The following MRPL24 variants were observed in gnomAD, a reference collection of about 807,000 sequenced individuals.
MRPL24 encodes the protein large ribosomal subunit protein uL24m.
MRPL24 carries 15 observed loss-of-function variants against 26.9 expected under a neutral mutation model. That is an observed-to-expected ratio of 0.56 (90% CI 0.37 to 0.86). The LOEUF (loss-of-function observed/expected upper bound fraction) is 0.86. MRPL24 is among the 40% of genes least tolerant of loss of function. MRPL24 has a pLI of 0.00. For synonymous variants in MRPL24, 92 were observed against 102.4 expected (o/e 0.90, Z 0.62); for missense variants, 241 against 281.4 (o/e 0.86, Z 1.03).
At chr1:156,737,871 A>G in intron 4 of MRPL24, 95 bp from the exon 5 acceptor site, 1 of 1,540,590 alleles carries the variant, frequency 6.5e-7, no homozygotes, top group Non-Finnish European at 8.8e-7. Flanking sequence ...AAGGGTTACC[A>G]CCGCGTTTCT....
chr1:156,737,541 A>G lies in MRPL24; in HGVS notation c.515-7T>C. On this transcript the variant is annotated splice_region_variant and splice_polypyrimidine_tract_variant and intron_variant, in intron 5 of 5. Transcript: ENST00000361531. ...GATGTGTCTTTGGGGCCATCTGTTA[A>G]GCCAGAGGAAACTTAGATGGGTGGG... 2 of 1,604,922 alleles carry G rather than the reference A, an allele frequency of 1.2e-6. No individual in the cohort carries two copies. The highest frequency in any genetic ancestry group is 1.7e-6 in the Non-Finnish European group (2 of 1,175,132).
rs1558026811 is a variant in MRPL24, at chr1:156,738,652, T to G, written c.53A>C (p.His18Pro). 1 of 1,601,714 alleles carries G rather than the reference T, an allele frequency of 6.2e-7. No homozygotes were observed. Among genetic ancestry groups the G allele is most frequent in the South Asian group, 1.1e-5 (1 of 89,220 alleles). ...TGGGGGGCTCATCCCATAGCGGTAA[T>G]GGGGGGGCAGAGTGACCTTGGATGC... is the stretch of plus-strand genomic sequence containing the variant. The part of the protein sequence containing the change: ...ALASKVTLPP[H>P]YRYGMSPPGS... The change falls in exon 2 of 6, where the codon CAT becomes CCT. Residue 18 changes from histidine to proline, a missense_variant. By Grantham distance (77) the His-to-Pro change is moderately conservative. Transcript: ENST00000361531.
At position 156,738,438 on chromosome 1, in the gene MRPL24, C is replaced by T; in HGVS notation, c.184G>A (p.Val62Met). The change falls in exon 3 of 6, where the codon GTG becomes ATG. Residue 62 changes from valine (V) to methionine (M), a missense_variant and splice_region_variant. Physicochemically the swap from Val to Met is conservative, Grantham distance 21 (BLOSUM62 1). Coordinates refer to ENST00000361531, the MANE Select transcript of MRPL24 (RefSeq NM_145729.3). ...EDWYLFCGDT[V>M]EILEGKDAGK... ...GCATCCTTGCCTTCTAGGATCTCCA[C>T]CTGTGGGAAGATACGAAGGTTAGGG... 6.2e-7 allele frequency: 1 copy of T among 1,613,930 alleles called. No individual in the cohort carries two copies. Among genetic ancestry groups the T allele is most frequent in the South Asian group, 1.1e-5 (1 of 91,070 alleles).
chr1:156,737,688 C>T lies in MRPL24; in HGVS notation c.472G>A (p.Glu158Lys), dbSNP rs1307430612. ...ACGATGCCATCAGCTCTGGGAAATT[C>T]GGGTTTAGGGATAATTCTCCCTGAT... ...TRSGRIIPKP[E>K]FPRADGIVPE... is the part of the protein sequence containing the mutation. Residue 158 changes from glutamate (E) to lysine (K), a missense_variant, in exon 5 of 6, where the codon GAA becomes AAA. Transcript: ENST00000361531. 6.8e-6 allele frequency: 11 copies of T among 1,614,038 alleles called. No individual in the cohort carries two copies. Among genetic ancestry groups the T allele is most frequent in the Middle Eastern group, 1.6e-4 (1 of 6,084 alleles).
chr1:156,737,397 C>A lies in MRPL24; in HGVS notation c.*1G>T, dbSNP rs1269071308. 1.3e-5 allele frequency: 20 copies of A among 1,572,600 alleles called. No individual in the cohort carries two copies. Among genetic ancestry groups the A allele is most frequent in the Non-Finnish European group, 1.6e-5 (19 of 1,164,128 alleles). On this transcript the variant is annotated 3_prime_UTR_variant, in exon 6 of 6. Coordinates refer to ENST00000361531, the MANE Select transcript of MRPL24 (RefSeq NM_145729.3). ...TGGGGAGGAGCTGCTCTGCCCCAGG[C>A]TCAATACCAATAGACCTTCTTGTAT...
chr1:156,742,687 A>C (rs1351220444), upstream of MRPL24: 1 of 154,338 alleles, frequency 6.5e-6, no homozygotes, highest in Admixed American at 6.5e-5. Flanking sequence ...GTGGCTTCAG[A>C]GATCTAAAGG....
chr1:156,740,262 T>G (rs1473464110), intron 1 of MRPL24: 2 of 152,164 alleles, frequency 1.3e-5, no homozygotes, highest in Non-Finnish European at 2.9e-5. Flanking sequence ...AAATATGTAT[T>G]AACGGTTTAT....
chr1:156,742,669 T>A (rs1650210425), upstream of MRPL24: 1 of 153,866 alleles, frequency 6.5e-6, no homozygotes, highest in Admixed American at 6.5e-5. Flanking sequence ...TTCCCAAGCA[T>A]CCTATTTGTG....
rs1171116710 is a variant in MRPL24, at chr1:156,738,706, C to T, written c.-2G>A. 1 of 1,574,654 alleles carries T rather than the reference C, an allele frequency of 6.4e-7. No individual in the cohort carries two copies. Among genetic ancestry groups the T allele is most frequent in the Non-Finnish European group, 8.6e-7 (1 of 1,166,420 alleles). ...GGCCAGCAGGGCAGAAAGACGCATG[C>T]CTGGAGGTTGTAAGAAATCCCTTTG... On this transcript the variant is annotated 5_prime_UTR_variant, in exon 2 of 6. Transcript: ENST00000361531.
chr1:156,737,906 C>T, intron 4 of MRPL24, 125 bp downstream of exon 4: 2 of 1,434,678 alleles, frequency 1.4e-6, no homozygotes, highest in South Asian at 1.3e-5. Context: ...GGGTTACCCG[C>T]AGGGAATCAT....
chr1:156,739,110 CAG>C (rs369681022), intron 1 of MRPL24, among the ~76,000 whole-genome samples: 21 of 152,116 alleles, frequency 1.4e-4, no homozygotes, highest in African/African-American at 4.8e-4. Context: ...AGGAAGAAAA[CAG>C]AGGATGGAAC....
At chr1:156,741,250 A>C (rs1471270683), upstream of MRPL24, 1 of 152,280 alleles carries the variant, frequency 6.6e-6, no homozygotes, top group Non-Finnish European at 1.5e-5. Flanking sequence ...GGGGTAGGAA[A>C]TCAAGGAAAC....
intron 4 of MRPL24, 50 bp downstream of exon 4, chr1:156,737,981 T>C (rs202010550): frequency 2.5e-6 from 4 of 1,571,926 alleles, no homozygotes; most frequent in African/African-American, 2.7e-5. Context: ...GGACAGCACT[T>C]TTTGGACCCA....
rs1294080594 is a variant in MRPL24 at position 156,738,073 on chromosome 1, G to A, written c.341C>T (p.Pro114Leu). The A allele has an allele frequency of 9.9e-6, 16 of 1,614,124 alleles. No homozygotes were observed. Among genetic ancestry groups the A allele is most frequent in the Non-Finnish European group, 1.4e-5 (16 of 1,180,012 alleles). ...YRGTMIPSEA[P>L]LLHRQVKLVD... ...AAGTTTGACCTGGCGGTGGAGCAAG[G>A]GGGCTTCACTAGGGATCATGGTTCC... The change falls in exon 4 of 6, where the codon CCC (proline) becomes CTC (leucine). Residue 114 changes from proline (P) to leucine (L), a missense_variant. Transcript: ENST00000361531.
chr1:156,739,062 A>G (rs1014213512), intron 1 of MRPL24, among the ~76,000 whole-genome samples: 7 of 152,246 alleles, frequency 4.6e-5, no homozygotes, highest in Admixed American at 4.6e-4. Flanking sequence ...GTAGGTGCTT[A>G]ACAAATACTT....
chr1:156,741,311 T>G (rs892032698), upstream of MRPL24: 2 of 152,206 alleles, frequency 1.3e-5, no homozygotes, highest in Non-Finnish European at 2.9e-5. Context: ...CTGGTTCGGC[T>G]GGCCCGCCTG....
chr1:156,742,190 A>AT (rs1650168134), upstream of MRPL24: 1 of 152,694 alleles, frequency 6.5e-6, no homozygotes, highest in South Asian at 2.1e-4. Flanking sequence ...ACAGTCAGCA[A>AT]TTTTTCATCA....
At position 156,738,355 on chromosome 1, in the gene MRPL24, T is replaced by G; in HGVS notation, c.267A>C (p.Gly89=). 1 of 1,614,088 alleles carries G rather than the reference T, an allele frequency of 6.2e-7. No homozygotes were observed. The highest frequency in any genetic ancestry group is 1.3e-5 in the African/African-American group (1 of 75,006). ...VIRQRNWVVV[G]GLNTHYRYIG... ...TCTCTCAACTTACTGTGTTCAGCCC[T>G]CCCACGACCACCCAGTTTCGCTGCC... Residue 89 remains glycine (G), a synonymous_variant, in exon 3 of 6, where the codon GGA becomes GGC. Transcript: ENST00000361531.
chr1:156,741,382 G>C (rs1451755507), upstream of MRPL24: 2 of 152,186 alleles, frequency 1.3e-5, no homozygotes, highest in Admixed American at 6.5e-5. Flanking sequence ...TAGAGAAGAA[G>C]GCTCCATTTT....
Sources: gnomAD v4.1 joint callset for allele counts (sites outside exome capture counted in the v4.1 genomes callset) on GRCh38, gnomAD v4.1.1 for gene constraint, MANE v1.5 for transcripts, NCBI Gene and HGNC (gene_info 2026-07-23, HGNC 2026-07-21) for gene names.